The following RBM41 variants were observed in gnomAD, a reference collection of about 807,000 sequenced individuals.
RBM41 encodes RNA-binding protein 41.
RBM41 carries 14 observed loss-of-function variants against 30.8 expected under a neutral mutation model. That is an observed-to-expected ratio of 0.45 (90% CI 0.30 to 0.71). RBM41 has a LOEUF of 0.71. RBM41 is among the 30% of genes least tolerant of loss of function. The probability of loss-of-function intolerance (pLI) is 0.08; values close to 1 mark genes in which losing one functional copy is unlikely to be tolerated. For synonymous variants in RBM41, 120 were observed against 110.1 expected (o/e 1.09, Z -0.56); for missense variants, 276 against 326.3 (o/e 0.85, Z 1.19).
chrX:107,054,467 T>C, the RBM41 span, among the ~76,000 whole-genome samples: 1 of 111,831 alleles, frequency 8.9e-6, no homozygotes, highest in South Asian at 3.8e-4. Context: ...ACACTGGGGC[T>C]TGGGTTAGGG....
rs190797246 is a variant in RBM41 at position 107,113,553 on chromosome X, T to A, written c.524-85A>T. On this transcript the variant is annotated intron_variant, in intron 4 of 7. Transcript: ENST00000685964. ...CCCACCCTCCACCCCAAATACCAGG[T>A]ACTGCTTTAAGTGATTTACATGTAT... 90 of 958,527 alleles carry A rather than the reference T, an allele frequency of 9.4e-5. No homozygotes were observed. In the Admixed American group the frequency reaches 2.8e-3, roughly 30 times the overall value. The allele number at this position is 958,527 out of a possible 1,213,427, so 79.0% of individuals were successfully genotyped here. A position where few individuals can be genotyped will look rare whatever the true frequency, so the allele number is the denominator to read the frequency against.
At chrX:107,090,829 A>G (rs181055633) in intron 5 of RBM41, among the ~76,000 whole-genome samples, 1 of 110,737 alleles carries the variant, frequency 9.0e-6, no homozygotes, top group African/African-American at 3.3e-5. Context: ...TCTGGGATAC[A>G]TGTGCTGAAT....
chrX:107,057,297 G>C (rs1238638770), downstream of RBM41, among the ~76,000 whole-genome samples: 2 of 111,590 alleles, frequency 1.8e-5, no homozygotes, highest in African/African-American at 6.5e-5. Flanking sequence ...AAAAAAAATA[G>C]ATGTTTGCAC....
intron 6 of RBM41, chrX:107,069,866 T>TA (rs72211602): frequency 0.011 from 880 of 82,037 alleles, 6 homozygotes; most frequent in Non-Finnish European, 0.016. Flanking sequence ...TATAGGCACT[T>TA]AAAAAAAAAA....
At chrX:107,101,199 G>A (rs1054195959) in intron 5 of RBM41, among the ~76,000 whole-genome samples, 1 of 111,096 alleles carries the variant, frequency 9.0e-6, no homozygotes, top group African/African-American at 3.3e-5. Context: ...GGGACATATG[G>A]GGATTTTTGG....
At chrX:107,076,153 T>C (rs1221232706) in intron 6 of RBM41, among the ~76,000 whole-genome samples, 1 of 108,726 alleles carries the variant, frequency 9.2e-6, no homozygotes, top group Admixed American at 1.0e-4. Flanking sequence ...CCATCTCTAC[T>C]AAAAATGCAA....
intron 5 of RBM41, 42 bp from the exon 6 acceptor site, chrX:107,088,881 C>A (rs1922275934): frequency 2.6e-6 from 3 of 1,145,128 alleles, no homozygotes; most frequent in African/African-American, 1.8e-5. Context: ...ACAAAGCCTA[C>A]CAATACAACC....
chrX:107,106,763 G>GC (rs1358288365), intron 5 of RBM41, among the ~76,000 whole-genome samples: 1 of 108,058 alleles, frequency 9.3e-6, no homozygotes, highest in Non-Finnish European at 1.9e-5. Flanking sequence ...GCAAACTATT[G>GC]CAAGGACAAA....
At chrX:107,056,701 G>A in the RBM41 span, among the ~76,000 whole-genome samples, 1 of 110,264 alleles carries the variant, frequency 9.1e-6, no homozygotes, top group East Asian at 2.8e-4. Flanking sequence ...TTTTATTTTT[G>A]TAAGGCTGAC....
intron 6 of RBM41, chrX:107,070,219 T>G (rs2147876089): frequency 3.0e-6 from 1 of 329,593 alleles, no homozygotes; most frequent in African/African-American, 2.6e-5. Context: ...TTGCCAATCC[T>G]GGTAGAAAAC....
In RBM41 at chrX:107,113,389, C is replaced by T. The variant is rs188959497; in HGVS notation, c.595+8G>A. The T allele has an allele frequency of 1.6e-5, 16 of 980,702 alleles. No individual in the cohort carries two copies. The Admixed American group carries it at 2.4e-4, about 15-fold the overall frequency. 80.8% of individuals were successfully genotyped at this position (980,702 alleles called of 1,213,427 possible). A position where few individuals can be genotyped will look rare whatever the true frequency, so the allele number is the denominator to read the frequency against. ...AAGTCTAACACTATAAGAAAACTCT[C>T]GACTTGCCTTTTGTGCCTAATTTTA... On this transcript the variant is annotated splice_region_variant and intron_variant, in intron 5 of 7. Transcript: ENST00000685964.
chrX:107,104,238 T>C (rs985085276), intron 5 of RBM41, among the ~76,000 whole-genome samples: 2 of 111,831 alleles, frequency 1.8e-5, no homozygotes, highest in East Asian at 5.6e-4. Context: ...TTAATAAATA[T>C]TTAACTCTAA....
In RBM41 at chrX:107,087,386, T is replaced by A. The variant is rs761197497; in HGVS notation, c.999+1050A>T. Reference sequence around the variant, plus strand: ...TTTTAATATCCCTCATCTAGAATGATTTTTTTTTAATTCAGAGACAGTCAA... The same window carrying A: ...TTTTAATATCCCTCATCTAGAATGAATTTTTTTTAATTCAGAGACAGTCAA... On this transcript the variant is annotated intron_variant, in intron 6 of 7. Transcript: ENST00000685964. Among the ~76,000 whole-genome samples, 3 of 101,686 alleles carry A rather than the reference T, an allele frequency of 3.0e-5. No individual in the cohort carries two copies. The Admixed American group carries it at 3.0e-4, about 10-fold the overall frequency. The allele number at this position is 101,686 out of a possible 115,157, so 88.3% of individuals were successfully genotyped here.
Position 107,066,985 on chromosome X carries a change from T to C in RBM41, c.*542A>G. On this transcript the variant is annotated 3_prime_UTR_variant, in exon 8 of 8. Coordinates refer to ENST00000685964, the MANE Select transcript of RBM41 (RefSeq NM_001324242.2). Reference sequence around the variant, plus strand: ...AGACTGATAACTTGTGGAGGAAGCATTCATTAAATAAGTCAACTGACTTAT... The same window carrying C: ...AGACTGATAACTTGTGGAGGAAGCACTCATTAAATAAGTCAACTGACTTAT... The C allele has an allele frequency of 1.3e-6, 1 of 747,470 alleles. No homozygotes were observed. The highest frequency in any genetic ancestry group is 8.7e-5 in the Admixed American group (1 of 11,531). 61.6% of individuals were successfully genotyped at this position (747,470 alleles called of 1,213,427 possible).
chrX:107,082,232 A>G (rs779528608), intron 6 of RBM41, among the ~76,000 whole-genome samples: 1 of 111,705 alleles, frequency 9.0e-6, no homozygotes, highest in East Asian at 2.8e-4. Flanking sequence ...CGATGTTAAG[A>G]TATTTCAAAT....
the RBM41 span, among the ~76,000 whole-genome samples, chrX:107,052,603 C>T: frequency 1.8e-5 from 2 of 111,507 alleles, no homozygotes; most frequent in Non-Finnish European, 3.8e-5. Context: ...GGAACAAGGG[C>T]TAGCAGGCTG....
chrX:107,058,802 C>A (rs141127301), downstream of RBM41, among the ~76,000 whole-genome samples: 1,489 of 111,376 alleles, frequency 0.013, 9 homozygotes, highest in Non-Finnish European at 0.019. Context: ...TCAGGGTACC[C>A]TCATGGTCAG....
intron 5 of RBM41, among the ~76,000 whole-genome samples, chrX:107,110,366 T>C (rs1466028375): frequency 3.6e-5 from 4 of 111,461 alleles, no homozygotes. Context: ...AAACAAGATT[T>C]GAAACAATAC....
intron 5 of RBM41, among the ~76,000 whole-genome samples, chrX:107,107,814 G>A (rs757275429): frequency 9.0e-6 from 1 of 111,297 alleles, no homozygotes; most frequent in African/African-American, 3.3e-5. Context: ...TCAAGGAACT[G>A]GAGATATAAA....
Sources: gnomAD v4.1 joint callset for allele counts (sites outside exome capture counted in the v4.1 genomes callset) on GRCh38, gnomAD v4.1.1 for gene constraint, MANE v1.5 for transcripts, NCBI Gene and HGNC (gene_info 2026-07-23, HGNC 2026-07-21) for gene names.